GALNT13: variants seen among roughly 807,000 people sequenced by gnomAD.
The protein encoded by GALNT13 is polypeptide N-acetylgalactosaminyltransferase 13, also known as UDP-GalNAc:polypeptide N-acetylgalactosaminyltransferase 13.
A neutral mutation model predicts 64.2 loss-of-function variants in GALNT13; 28 were observed. That is an observed-to-expected ratio of 0.44 (90% CI 0.32 to 0.60). The LOEUF (loss-of-function observed/expected upper bound fraction) is 0.60. Ranked by LOEUF, GALNT13 falls within the 20% of genes least tolerant of loss-of-function variation. The pLI is 0.05. For synonymous variants in GALNT13, 214 were observed against 224.6 expected (o/e 0.95, Z 0.42); for missense variants, 577 against 669.8 (o/e 0.86, Z 1.53).
chr2:153,325,997 T>C, the GALNT13 span, among the ~76,000 whole-genome samples: 2 of 152,202 alleles, frequency 1.3e-5, no homozygotes, highest in Non-Finnish European at 2.9e-5. Flanking sequence ...GAGAGTTCTG[T>C]AGATGTCTAT....
chr2:153,511,004 T>C, the GALNT13 span, among the ~76,000 whole-genome samples: 6 of 150,906 alleles, frequency 4.0e-5, no homozygotes, highest in African/African-American at 1.5e-4. Context: ...GACCTAGGAG[T>C]TACAAGAGGG....
chr2:154,417,499 T>TTATTTATTTATG (rs1394395370), intron 11 of GALNT13, among the ~76,000 whole-genome samples: 1 of 135,724 alleles, frequency 7.4e-6, no homozygotes, highest in Non-Finnish European at 1.6e-5. Flanking sequence ...TTTTATTTAT[T>TTATTTATTTATG]TATTTATTTA....
the GALNT13 span, among the ~76,000 whole-genome samples, chr2:153,355,989 C>A: frequency 6.6e-6 from 1 of 152,126 alleles, no homozygotes; most frequent in African/African-American, 2.4e-5. Flanking sequence ...TTGAATTCCA[C>A]TTTTTAGCAG....
At chr2:154,236,676 T>C (rs1377188490) in intron 4 of GALNT13, among the ~76,000 whole-genome samples, 2 of 152,088 alleles carry the variant, frequency 1.3e-5, no homozygotes, top group Non-Finnish European at 2.9e-5. Context: ...GCTATTGCCA[T>C]CTGCCACTTT....
chr2:153,758,631 C>G, the GALNT13 span, among the ~76,000 whole-genome samples: 2 of 152,224 alleles, frequency 1.3e-5, no homozygotes, highest in African/African-American at 4.8e-5. Flanking sequence ...CTCACTTTGT[C>G]ACCCAGGCTG....
At chr2:153,413,358 T>C in the GALNT13 span, among the ~76,000 whole-genome samples, 1 of 152,058 alleles carries the variant, frequency 6.6e-6, no homozygotes, top group Non-Finnish European at 1.5e-5. Context: ...AAGTGGACAC[T>C]TACTACTGGG....
At chr2:153,935,617 G>A (rs926148696) in intron 2 of GALNT13, among the ~76,000 whole-genome samples, 1 of 152,202 alleles carries the variant, frequency 6.6e-6, no homozygotes. Context: ...AGCCATTTAT[G>A]GCATCAGGCA....
chr2:154,393,387 C>T (rs1189034218), intron 9 of GALNT13, among the ~76,000 whole-genome samples: 1 of 152,128 alleles, frequency 6.6e-6, no homozygotes, highest in African/African-American at 2.4e-5. Flanking sequence ...TGACATAACC[C>T]CTTTCTCTCA....
chr2:153,321,655 A>G, the GALNT13 span, among the ~76,000 whole-genome samples: 4 of 152,300 alleles, frequency 2.6e-5, no homozygotes, highest in South Asian at 2.1e-4. Flanking sequence ...AAAGAAAGAG[A>G]TAATTTATCT....
the GALNT13 span, among the ~76,000 whole-genome samples, chr2:153,319,561 G>T: frequency 1.2e-4 from 18 of 152,254 alleles, no homozygotes; most frequent in South Asian, 2.7e-3. Flanking sequence ...TTATAGGTGT[G>T]AGCCACTGCA....
chr2:153,111,945 A>G, the GALNT13 span, among the ~76,000 whole-genome samples: 2 of 152,202 alleles, frequency 1.3e-5, no homozygotes, highest in Non-Finnish European at 2.9e-5. Flanking sequence ...GGTAATTTAC[A>G]TAGGCCATTA....
the GALNT13 span, among the ~76,000 whole-genome samples, chr2:153,133,782 C>CGAT: frequency 9.6e-6 from 1 of 104,014 alleles, no homozygotes; most frequent in Non-Finnish European, 2.3e-5. Context: ...GGCCTCTTCT[C>CGAT]GATGACATGG....
At chr2:154,030,113 A>G (rs1176070909) in intron 3 of GALNT13, among the ~76,000 whole-genome samples, 7 of 152,032 alleles carry the variant, frequency 4.6e-5, no homozygotes, top group Admixed American at 4.6e-4. Context: ...AATAATGGCA[A>G]ATAATTCTCT....
Position 154,452,589 on chromosome 2 carries a change from C to T in GALNT13, c.*2038C>T, listed in dbSNP as rs1701912954. ...ATTTTTATAAATACAGCTACCCCAT[C>T]AAAGCTGAACTTGAAACGTTTTAGC... On this transcript the variant is annotated 3_prime_UTR_variant, in exon 13 of 13. Transcript: ENST00000392825. 1 of 152,230 alleles carries T rather than the reference C, an allele frequency of 6.6e-6. No individual in the cohort carries two copies. The highest frequency in any genetic ancestry group is 2.1e-4 in the South Asian group (1 of 4,824). The allele number at this position is 152,230 out of a possible 1,614,324, so 9.4% of individuals were successfully genotyped here.
chr2:153,390,063 A>C, the GALNT13 span, among the ~76,000 whole-genome samples: 2 of 152,124 alleles, frequency 1.3e-5, no homozygotes, highest in African/African-American at 2.4e-5. Context: ...AACCAACCCA[A>C]ATATCCATCA....
At chr2:153,296,189 A>C in the GALNT13 span, among the ~76,000 whole-genome samples, 1 of 152,140 alleles carries the variant, frequency 6.6e-6, no homozygotes, top group Non-Finnish European at 1.5e-5. Context: ...AAACTTGAGG[A>C]AAGAGAATTT....
At chr2:153,137,975 G>T in the GALNT13 span, among the ~76,000 whole-genome samples, 1 of 151,952 alleles carries the variant, frequency 6.6e-6, no homozygotes, top group Non-Finnish European at 1.5e-5. Flanking sequence ...TATTCTCTGT[G>T]GTGCTTCCTA....
At chr2:153,478,566 C>A in the GALNT13 span, 1 of 1,573,078 alleles carries the variant, frequency 6.4e-7, no homozygotes, top group Non-Finnish European at 8.6e-7. Flanking sequence ...CCGGATTCAT[C>A]GCAGGAACGG....
the GALNT13 span, among the ~76,000 whole-genome samples, chr2:153,846,776 A>G: frequency 1.3e-5 from 2 of 152,246 alleles, no homozygotes; most frequent in East Asian, 3.9e-4. Context: ...GATAGAGGCA[A>G]AAATTTTTCC....
Sources: gnomAD v4.1 joint callset for allele counts (sites outside exome capture counted in the v4.1 genomes callset) on GRCh38, gnomAD v4.1.1 for gene constraint, MANE v1.5 for transcripts, NCBI Gene and HGNC (gene_info 2026-07-23, HGNC 2026-07-21) for gene names.